The following BAK1 variants were observed in gnomAD, a reference collection of about 807,000 sequenced individuals.
The protein encoded by BAK1 is bcl-2 homologous antagonist/killer.
In BAK1, 19 loss-of-function variants were observed where a neutral mutation model predicts 24.7. That is an observed-to-expected ratio of 0.77 (90% CI 0.54 to 1.13). The LOEUF (loss-of-function observed/expected upper bound fraction) is 1.13. BAK1 is among the 50% of genes most tolerant of loss of function. The pLI is 0.00. For synonymous variants in BAK1, 86 were observed against 107.3 expected (o/e 0.80, Z 1.23); for missense variants, 194 against 279.4 (o/e 0.69, Z 2.18).
chr6:33,575,194 G>A lies in BAK1; in HGVS notation c.350+104C>T, dbSNP rs1276782637. On this transcript the variant is annotated intron_variant, in intron 4 of 5. Transcript: ENST00000374467. The surrounding 1 kb of genome is among the most constrained non-coding windows in gnomAD (Gnocchi z 6.3). ...TCACAGCAGACATTGGACACTGACA[G>A]AAGGCTTCTCCCCATGCCAGGAGAG... 3.2e-6 allele frequency: 5 copies of A among 1,546,376 alleles called. No homozygotes were observed. Among genetic ancestry groups the A allele is most frequent in the Non-Finnish European group, 3.6e-6 (4 of 1,120,360 alleles).
At position 33,577,320 on chromosome 6, in the gene BAK1, C is replaced by T. The variant is rs1762863546; in HGVS notation, c.70+215G>A. On this transcript the variant is annotated intron_variant, in intron 2 of 5. Transcript: ENST00000374467. This position sits in a 1 kb window ranked among gnomAD's most constrained non-coding sequence, Gnocchi z 4.6. ...CTACCTTACACTCACTTCCTGGCCT[C>T]TCCCAACCTCCAGGCCCTCCCCAGT... 1.3e-5 allele frequency among the ~76,000 whole-genome samples: 2 copies of T among 152,192 alleles called. No individual in the cohort carries two copies. The highest frequency in any genetic ancestry group is 4.1e-4 in the South Asian group (2 of 4,832).
intron 4 of BAK1, chr6:33,574,626 G>T (rs1762813570): frequency 1.9e-6 from 2 of 1,026,576 alleles, no homozygotes; most frequent in African/African-American, 1.6e-5. Flanking sequence ...TCACGGACTG[G>T]ATATTTCAGC....
At position 33,573,502 on chromosome 6, in the gene BAK1, C is replaced by T; in HGVS notation, c.*301G>A. ...AGAAGTGGCTCCCAGTCTCTTGCCTCCCCAAGTTATCAGTCTCCCCAGCGC... is the reference window on the plus strand; with the variant it reads ...AGAAGTGGCTCCCAGTCTCTTGCCTTCCCAAGTTATCAGTCTCCCCAGCGC... On this transcript the variant is annotated 3_prime_UTR_variant, in exon 6 of 6. Coordinates refer to ENST00000374467, the MANE Select transcript of BAK1 (RefSeq NM_001188.4). 2.5e-6 allele frequency: 1 copy of T among 401,688 alleles called. No individual in the cohort carries two copies. The highest frequency in any genetic ancestry group is 3.9e-5 in the Admixed American group (1 of 25,940). 24.9% of individuals were successfully genotyped at this position (401,688 alleles called of 1,614,324 possible).
At position 33,573,814 on chromosome 6, in the gene BAK1, A is replaced by G; in HGVS notation, c.625T>C (p.Phe209Leu). 6.2e-7 allele frequency: 1 copy of G among 1,613,930 alleles called. No individual in the cohort carries two copies. Among genetic ancestry groups the G allele is most frequent in the Non-Finnish European group, 8.5e-7 (1 of 1,179,774 alleles). ...GGCACCCTTGGGAGTCATGATTTGA[A>G]GAATCTTCGTACCACAAACTGGCCC... ...LLGQFVVRRFFKS is the reference protein window; with the variant it reads ...LLGQFVVRRFLKS The change falls in exon 6 of 6, where the codon TTC becomes CTC. Residue 209 changes from phenylalanine to leucine, a missense_variant. Phe to Leu is a conservative substitution (Grantham distance 22, BLOSUM62 0). Coordinates refer to ENST00000374467, the MANE Select transcript of BAK1 (RefSeq NM_001188.4).
chr6:33,575,455 A>T lies in BAK1; in HGVS notation c.207-14T>A. The T allele has an allele frequency of 6.2e-7, 1 of 1,612,882 alleles. No homozygotes were observed. Among genetic ancestry groups the T allele is most frequent in the Non-Finnish European group, 8.5e-7 (1 of 1,179,994 alleles). ...TGCCCCATGGTGCTGTAGGAGCAGG[A>T]GGCATGCAGGTGAGCCAGTAACCAG... On this transcript the variant is annotated splice_polypyrimidine_tract_variant and intron_variant, in intron 3 of 5. Coordinates refer to ENST00000374467, the MANE Select transcript of BAK1 (RefSeq NM_001188.4). This position sits in a 1 kb window ranked among gnomAD's most constrained non-coding sequence, Gnocchi z 6.3.
Position 33,575,696 on chromosome 6 carries a change from C to T in BAK1, c.206+97G>A, listed in dbSNP as rs1762833133. ...AGCAACCATGAGAGAAGGGCAAGACCCCCGAGGCCTCCCCAGCTCCCAGGA... is the reference window on the plus strand; with the variant it reads ...AGCAACCATGAGAGAAGGGCAAGACTCCCGAGGCCTCCCCAGCTCCCAGGA... On this transcript the variant is annotated intron_variant, in intron 3 of 5. Coordinates refer to ENST00000374467, the MANE Select transcript of BAK1 (RefSeq NM_001188.4). This position sits in a 1 kb window ranked among gnomAD's most constrained non-coding sequence, Gnocchi z 6.3. 6.5e-7 allele frequency: 1 copy of T among 1,527,508 alleles called. No individual in the cohort carries two copies. The highest frequency in any genetic ancestry group is 1.4e-5 in the African/African-American group (1 of 72,710). 94.6% of individuals were successfully genotyped at this position (1,527,508 alleles called of 1,614,324 possible). A position where few individuals can be genotyped will look rare whatever the true frequency, so the allele number is the denominator to read the frequency against.
At chr6:33,574,901 A>G (rs1404036500) in intron 4 of BAK1, among the ~76,000 whole-genome samples, 2 of 152,256 alleles carry the variant, frequency 1.3e-5, no homozygotes, top group African/African-American at 2.4e-5. Context: ...TATAGCAAGT[A>G]GGAGCCATTT....
In BAK1 at chr6:33,573,862, C is replaced by T. The variant is rs1229218232; in HGVS notation, c.577G>A (p.Val193Met). Residue 193 changes from valine (V) to methionine (M), a missense_variant, in exon 6 of 6, where the codon GTG becomes ATG. Transcript: ENST00000374467. The stretch of plus-strand genomic sequence containing the variant: ...CCCAACAGAACCACACCCAGAACCA[C>T]CAGCACGTTCAGGATGGGACCATTG... ...LGNGPILNVL[V>M]VLGVVLLGQF... 6.2e-7 allele frequency: 1 copy of T among 1,614,224 alleles called. No individual in the cohort carries two copies. The highest frequency in any genetic ancestry group is 8.5e-7 in the Non-Finnish European group (1 of 1,180,028).
intron 2 of BAK1, among the ~76,000 whole-genome samples, chr6:33,576,205 G>A (rs1762841957): frequency 6.6e-6 from 1 of 152,106 alleles, no homozygotes; most frequent in Non-Finnish European, 1.5e-5. Context: ...GCACATGCCT[G>A]TAATCCCACC....
At chr6:33,576,352 C>T (rs1350067768) in intron 2 of BAK1, among the ~76,000 whole-genome samples, 1 of 143,012 alleles carries the variant, frequency 7.0e-6, no homozygotes, top group Non-Finnish European at 1.5e-5. Context: ...AAAAAATGGC[C>T]GGGTGTGGTG....
rs1762783343 is a variant in BAK1 at position 33,572,680 on chromosome 6, C to G, written c.*1123G>C. The G allele has an allele frequency of 6.5e-6, 1 of 152,710 alleles. No homozygotes were observed. The highest frequency in any genetic ancestry group is 6.6e-5 in the Admixed American group (1 of 15,266). 9.5% of individuals were successfully genotyped at this position (152,710 alleles called of 1,614,324 possible). A position where few individuals can be genotyped will look rare whatever the true frequency, so the allele number is the denominator to read the frequency against. Reference sequence around the variant, plus strand: ...CCCCCCTGACCCCCAAGACCCTAGGCTGTGCCCAATAGAGAAGGCACTGTC... The same window carrying G: ...CCCCCCTGACCCCCAAGACCCTAGGGTGTGCCCAATAGAGAAGGCACTGTC... On this transcript the variant is annotated 3_prime_UTR_variant, in exon 6 of 6. Transcript: ENST00000374467.
rs573721799 is a variant in BAK1, at chr6:33,578,114, C to T, written c.-31-479G>A. The stretch of plus-strand genomic sequence containing the variant: ...TTCCTGGGGCCTCCTGCAGCCCACC[C>T]AGCACATGCTTATTGCAAGCGAGCC... On this transcript the variant is annotated intron_variant, in intron 1 of 5. Transcript: ENST00000374467. This position sits in a 1 kb window ranked among gnomAD's most constrained non-coding sequence, Gnocchi z 4.8. Among the ~76,000 whole-genome samples the T allele has an allele frequency of 6.6e-6, 1 of 152,298 alleles. No homozygotes were observed. Among genetic ancestry groups the T allele is most frequent in the African/African-American group, 2.4e-5 (1 of 41,564 alleles).
At position 33,578,498 on chromosome 6, in the gene BAK1, G is replaced by T. The variant is rs1009402821; in HGVS notation, c.-31-863C>A. ...TTTTCCAGTTTGTGGACCTCAGAGT[G>T]TGTTCTTTCTCAGGGCAACTTTCCC... is the stretch of plus-strand genomic sequence containing the variant. On this transcript the variant is annotated intron_variant, in intron 1 of 5. Coordinates refer to ENST00000374467, the MANE Select transcript of BAK1 (RefSeq NM_001188.4). The surrounding 1 kb of genome is among the most constrained non-coding windows in gnomAD (Gnocchi z 4.8). Among the ~76,000 whole-genome samples, 2 of 152,190 alleles carry T rather than the reference G, an allele frequency of 1.3e-5. No individual in the cohort carries two copies. The highest frequency in any genetic ancestry group is 4.8e-5 in the African/African-American group (2 of 41,438).
At chr6:33,574,610 C>G (rs1762812728) in intron 4 of BAK1, 1 of 1,188,040 alleles carries the variant, frequency 8.4e-7, no homozygotes, top group South Asian at 1.3e-5. Context: ...AGGCTGGCCT[C>G]TAAGTTCACG....
rs1202552597 is a variant in BAK1, at chr6:33,578,440, G to A, written c.-31-805C>T. 6.6e-6 allele frequency among the ~76,000 whole-genome samples: 1 copy of A among 152,198 alleles called. No homozygotes were observed. The highest frequency in any genetic ancestry group is 1.9e-4 in the East Asian group (1 of 5,196). On this transcript the variant is annotated intron_variant, in intron 1 of 5. Transcript: ENST00000374467. The surrounding 1 kb of genome is among the most constrained non-coding windows in gnomAD (Gnocchi z 4.8). ...TCAGGTTGTTTGTCTGAATCTCCGT[G>A]AGTCCATGTACTCAACACGCATGCA... is the stretch of plus-strand genomic sequence containing the variant.
rs998149279 is a variant in BAK1, at chr6:33,578,570, C to T, written c.-31-935G>A. On this transcript the variant is annotated intron_variant, in intron 1 of 5. Coordinates refer to ENST00000374467, the MANE Select transcript of BAK1 (RefSeq NM_001188.4). The surrounding 1 kb of genome is among the most constrained non-coding windows in gnomAD (Gnocchi z 4.8). ...TTCCCCACTGCTGCCTTGCAGTGAC[C>T]GGAGGGAGCCCTCAGGATCAGGGCC... Among the ~76,000 whole-genome samples, 24 of 152,258 alleles carry T rather than the reference C, an allele frequency of 1.6e-4. No individual in the cohort carries two copies. The highest frequency in any genetic ancestry group is 4.6e-4 in the African/African-American group (19 of 41,550).
At position 33,575,938 on chromosome 6, in the gene BAK1, A is replaced by C. The variant is rs1762838101; in HGVS notation, c.71-10T>G. On this transcript the variant is annotated splice_polypyrimidine_tract_variant and intron_variant, in intron 2 of 5. Transcript: ENST00000374467. This position sits in a 1 kb window ranked among gnomAD's most constrained non-coding sequence, Gnocchi z 6.3. ...TGGGCTACCTGCTCCTCTGAGGATC[A>C]AAGCTGGGAGTCAGGGAGAGAGGGC... is the stretch of plus-strand genomic sequence containing the variant. 1.2e-6 allele frequency: 2 copies of C among 1,613,970 alleles called. No individual in the cohort carries two copies. Among genetic ancestry groups the C allele is most frequent in the Admixed American group, 1.7e-5 (1 of 59,978 alleles).
rs1034377762 is a variant in BAK1, at chr6:33,573,962, G to A, written c.532-55C>T. ...AGGCTAGCAGAAGATATAGGAACCC[G>A]AGGAAGGGGTGGGGCCTGGGAGAGG... On this transcript the variant is annotated intron_variant, in intron 5 of 5. Transcript: ENST00000374467. 3.7e-6 allele frequency: 6 copies of A among 1,613,378 alleles called. No individual in the cohort carries two copies. The African/African-American group carries it at 4.0e-5, about 11-fold the overall frequency.
chr6:33,574,037 G>GC lies in BAK1; in HGVS notation c.527dup (p.Trp177LeufsTer128), dbSNP rs1182324859. ...ATTGCAGTCCTTGGATACTCACCCA[G>GC]CCACCCCTCTGTGCAATCCACCGGG... On this transcript the variant is annotated frameshift_variant, in exon 5 of 6. Transcript: ENST00000374467. LOFTEE classifies it low-confidence loss of function (END_TRUNC). The GC allele has an allele frequency of 8.7e-6, 14 of 1,613,722 alleles. No homozygotes were observed. The highest frequency in any genetic ancestry group is 1.2e-5 in the Non-Finnish European group (14 of 1,179,764).
Sources: gnomAD v4.1 joint callset for allele counts (sites outside exome capture counted in the v4.1 genomes callset) on GRCh38, gnomAD v4.1.1 for gene constraint, Gnocchi (gnomAD v3.1) non-coding constraint, MANE v1.5 for transcripts, NCBI Gene and HGNC (gene_info 2026-07-23, HGNC 2026-07-21) for gene names.